EPB41L3: variants seen among roughly 807,000 people sequenced by gnomAD.
EPB41L3 encodes the protein band 4.1-like protein 3.
EPB41L3 carries 57 observed loss-of-function variants against 127.1 expected under a neutral mutation model. The ratio of observed to expected loss-of-function variants is 0.45; its 90% confidence interval spans 0.36 to 0.56. The LOEUF (loss-of-function observed/expected upper bound fraction) is 0.56. Ranked by LOEUF, EPB41L3 falls within the 20% of genes least tolerant of loss-of-function variation. EPB41L3 has a pLI of 0.00. For synonymous variants in EPB41L3, 572 were observed against 549.5 expected, an observed-to-expected ratio of 1.04 and a Z score of -0.57; for missense variants, 1,273 against 1,372.2, an observed-to-expected ratio of 0.93 and a Z score of 1.14.
At chr18:5,630,071 C>A (rs2094975395), upstream of EPB41L3, among the ~76,000 whole-genome samples, 1 of 152,178 alleles carries the variant, frequency 6.6e-6, no homozygotes, top group South Asian at 2.1e-4. Context: ...GCCCGGCTTC[C>A]GCGGCAGCTC....
chr18:5,422,011 A>G (rs964722092), intron 11 of EPB41L3, among the ~76,000 whole-genome samples: 1 of 152,196 alleles, frequency 6.6e-6, no homozygotes, highest in African/African-American at 2.4e-5. Flanking sequence ...GTAATTATCA[A>G]TATGATTATT....
In EPB41L3 at chr18:5,591,555, C is replaced by A. The variant is rs1196418019; in HGVS notation, c.-306+20785G>T. Among the ~76,000 whole-genome samples the A allele has an allele frequency of 3.3e-5, 5 of 152,130 alleles. No individual in the cohort carries two copies. The East Asian group carries it at 9.6e-4, about 29-fold the overall frequency. On this transcript the variant is annotated intron_variant, in intron 3 of 21. Transcript: ENST00000545076. ...AGTATCACTGCAGGTGTTAGGATTTCAACATATGAATTTTGGGGAAATACA... is the reference window on the plus strand; with the variant it reads ...AGTATCACTGCAGGTGTTAGGATTTAAACATATGAATTTTGGGGAAATACA...
At chr18:5,428,269 G>A (rs765555426) in intron 9 of EPB41L3, 44 bp downstream of exon 9, 1 of 1,607,308 alleles carries the variant, frequency 6.2e-7, no homozygotes, top group Non-Finnish European at 8.5e-7. Flanking sequence ...CTTGCTATCA[G>A]GGATCTTTCC....
In EPB41L3 at chr18:5,415,936, A is replaced by C. The variant is rs757229978; in HGVS notation, c.1949T>G (p.Val650Gly). The change falls in exon 13 of 23, where the codon GTG (valine) becomes GGG (glycine). Residue 650 changes from valine (V) to glycine (G), a missense_variant. Around this residue, in one of 3 missense-constraint regions of EPB41L3, gnomAD observed 765 missense variants for 782.9 expected, o/e 0.98. Coordinates refer to ENST00000341928, the MANE Select transcript of EPB41L3 (RefSeq NM_012307.5). ...GAAGGAGAGAGTGAGAGCGTATGGC[A>C]CTGAGAAGGAGGCAGACAGCAGAAA... ...FFFLLSASFS[V>G]PYALTLSFPL... is the part of the protein sequence containing the mutation. The C allele has an allele frequency of 6.2e-7, 1 of 1,614,108 alleles. No individual in the cohort carries two copies. The highest frequency in any genetic ancestry group is 1.7e-5 in the Admixed American group (1 of 60,026).
At chr18:5,626,974 G>A (rs923676117) in intron 1 of EPB41L3, among the ~76,000 whole-genome samples, 2 of 152,162 alleles carry the variant, frequency 1.3e-5, no homozygotes, top group Non-Finnish European at 2.9e-5. Context: ...GTAGAAAAAT[G>A]GTGGGTGTGT....
intron 8 of EPB41L3, among the ~76,000 whole-genome samples, chr18:5,432,395 C>A (rs998722706): frequency 6.6e-6 from 1 of 152,158 alleles, no homozygotes; most frequent in Non-Finnish European, 1.5e-5. Context: ...GTGACTAACT[C>A]TGTCCATAAA....
chr18:5,497,425 G>A (rs2091281810), intron 1 of EPB41L3, among the ~76,000 whole-genome samples: 1 of 152,198 alleles, frequency 6.6e-6, no homozygotes, highest in South Asian at 2.1e-4. Flanking sequence ...AAGGTAAGTG[G>A]TGCCTGTCCA....
intron 2 of EPB41L3, among the ~76,000 whole-genome samples, chr18:5,487,078 G>A (rs1461441067): frequency 6.6e-6 from 1 of 152,082 alleles, no homozygotes; most frequent in Non-Finnish European, 1.5e-5. Context: ...ATCAACCTAA[G>A]TGCCCATCAA....
intron 3 of EPB41L3, among the ~76,000 whole-genome samples, chr18:5,572,762 C>T (rs1941015): frequency 0.12 from 18,374 of 152,036 alleles, 1,234 homozygotes; most frequent in South Asian, 0.18. Flanking sequence ...TTTGTAAAGA[C>T]CGGGTCTTGC....
chr18:5,488,201 C>T (rs1488378176), intron 2 of EPB41L3, among the ~76,000 whole-genome samples: 1 of 151,952 alleles, frequency 6.6e-6, no homozygotes, highest in Admixed American at 6.6e-5. Context: ...GAAAGACCTA[C>T]CTGAAGATCC....
intron 1 of EPB41L3, among the ~76,000 whole-genome samples, chr18:5,489,856 C>T (rs1051824216): frequency 6.6e-6 from 1 of 152,180 alleles, no homozygotes; most frequent in African/African-American, 2.4e-5. Context: ...TCCTGGCTTC[C>T]CCCTATTTCC....
At chr18:5,485,027 T>C (rs932103655) in intron 2 of EPB41L3, among the ~76,000 whole-genome samples, 2 of 151,488 alleles carry the variant, frequency 1.3e-5, no homozygotes, top group South Asian at 4.1e-4. Context: ...CAGACAAAGA[T>C]ACAACACAAA....
At chr18:5,403,843 T>A (rs1421005528) in intron 16 of EPB41L3, among the ~76,000 whole-genome samples, 1 of 152,126 alleles carries the variant, frequency 6.6e-6, no homozygotes, top group African/African-American at 2.4e-5. Flanking sequence ...TTTTAAAAAA[T>A]ATCCCCTCCA....
chr18:5,591,176 G>A (rs945469430), intron 3 of EPB41L3, among the ~76,000 whole-genome samples: 7 of 152,150 alleles, frequency 4.6e-5, no homozygotes, highest in African/African-American at 9.7e-5. Context: ...TTTTCCATTC[G>A]TAAATATTCA....
At chr18:5,541,006 A>G (rs1456558139) in intron 1 of EPB41L3, among the ~76,000 whole-genome samples, 1 of 146,936 alleles carries the variant, frequency 6.8e-6, no homozygotes, top group African/African-American at 2.5e-5. Flanking sequence ...AATGGCGTGA[A>G]CCCGGGAGGC....
chr18:5,393,693 T>C (rs1261523201), intron 22 of EPB41L3: 3 of 419,188 alleles, frequency 7.2e-6, no homozygotes, highest in Non-Finnish European at 1.3e-5. Context: ...ATCTGTTTTA[T>C]TTTTTTTGCT....
chr18:5,596,991 GC>G (rs1008957938), intron 3 of EPB41L3, among the ~76,000 whole-genome samples: 1 of 152,128 alleles, frequency 6.6e-6, no homozygotes, highest in African/African-American at 2.4e-5. Context: ...GGAGGCTGAG[GC>G]AGGAGGATTG....
chr18:5,496,999 G>C lies in EPB41L3; in HGVS notation c.-11-7805C>G, dbSNP rs568718545. Among the ~76,000 whole-genome samples the C allele has an allele frequency of 3.3e-4, 50 of 152,312 alleles. 1 individual carries two copies. The South Asian group carries it at 9.9e-3, about 30-fold the overall frequency. ...CTGGCTGCTCTAGACTGGATGGTTA[G>C]GGAAGGCTTCTCCAAGAAGGAAAAA... On this transcript the variant is annotated intron_variant, in intron 1 of 22. Coordinates refer to ENST00000341928, the MANE Select transcript of EPB41L3 (RefSeq NM_012307.5).
At chr18:5,500,435 C>T (rs1290826085) in intron 1 of EPB41L3, among the ~76,000 whole-genome samples, 2 of 152,100 alleles carry the variant, frequency 1.3e-5, no homozygotes, top group Non-Finnish European at 2.9e-5. Flanking sequence ...CAAATAAGAG[C>T]TCTCCAACTC....
Sources: allele counts gnomAD v4.1 joint callset (sites outside exome capture counted in the v4.1 genomes callset), GRCh38; gene constraint gnomAD v4.1.1; regional missense constraint gnomAD v4.1.1; transcripts MANE v1.5; gene names NCBI Gene and HGNC (gene_info 2026-07-23, HGNC 2026-07-21).